Variants in MRPL22 observed in about 807,000 individuals in gnomAD.
MRPL22 encodes mitochondrial ribosomal protein L22.
A neutral mutation model predicts 32.4 loss-of-function variants in MRPL22; 27 were observed. The ratio of observed to expected loss-of-function variants is 0.83; its 90% CI spans 0.61 to 1.15. The LOEUF (loss-of-function observed/expected upper bound fraction) is 1.15. Ranked by LOEUF, MRPL22 falls within the 50% of genes most tolerant of loss-of-function variation. The pLI is 0.00. For synonymous variants in MRPL22, 86 were observed against 87.3 expected, an observed-to-expected ratio of 0.99 and a Z score of 0.08; for missense variants, 239 against 260.2, an observed-to-expected ratio of 0.92 and a Z score of 0.56.
intron 2 of MRPL22, among the ~76,000 whole-genome samples, chr5:154,942,393 A>G (rs1020537929): frequency 3.3e-5 from 5 of 152,182 alleles, no homozygotes; most frequent in Non-Finnish European, 7.3e-5. Flanking sequence ...ATTATATTTA[A>G]CCCTTTTCTA....
chr5:154,953,034 T>C (rs1377832689), intron 3 of MRPL22, among the ~76,000 whole-genome samples: 73 of 152,210 alleles, frequency 4.8e-4, no homozygotes, highest in Admixed American at 4.6e-3. Flanking sequence ...TAGATTCTTA[T>C]GTAGATTTTA....
intron 2 of MRPL22, among the ~76,000 whole-genome samples, chr5:154,943,788 C>T (rs1188076553): frequency 6.6e-6 from 1 of 151,874 alleles, no homozygotes; most frequent in Non-Finnish European, 1.5e-5. Context: ...AACTCAGCCT[C>T]CCAAGCAGCT....
At chr5:154,958,075 C>T (rs375719156) in intron 5 of MRPL22, among the ~76,000 whole-genome samples, 6 of 151,982 alleles carry the variant, frequency 3.9e-5, no homozygotes, top group African/African-American at 1.4e-4. Flanking sequence ...CGCCACCATA[C>T]GCGGCTAATA....
At chr5:154,956,185 C>A (rs1764626862) in intron 3 of MRPL22, 186 bp from the exon 4 acceptor site, 2 of 562,916 alleles carry the variant, frequency 3.6e-6, no homozygotes, top group South Asian at 2.3e-5. Flanking sequence ...CATAGTGAGA[C>A]TTTGGAAAAA....
At chr5:154,956,641 T>A (rs920706563) in intron 4 of MRPL22, 4 of 521,372 alleles carry the variant, frequency 7.7e-6, no homozygotes, top group Non-Finnish European at 1.0e-5. Flanking sequence ...TAAATCACAT[T>A]GGATAGATAG....
chr5:154,956,648 A>C, intron 4 of MRPL22: 1 of 496,788 alleles, frequency 2.0e-6, no homozygotes, highest in Non-Finnish European at 3.5e-6. Context: ...CATTGGATAG[A>C]TAGATACTAA....
rs1158793401 is a variant in MRPL22, at chr5:154,969,135, ATG to A, written c.*2242_*2243del. 4 of 152,138 alleles carry A rather than the reference ATG, an allele frequency of 2.6e-5. No individual in the cohort carries two copies. Among genetic ancestry groups the A allele is most frequent in the Non-Finnish European group, 5.9e-5 (4 of 68,030 alleles). 9.4% of individuals were successfully genotyped at this position (152,138 alleles called of 1,614,324 possible). On this transcript the variant is annotated 3_prime_UTR_variant, in exon 7 of 7. Transcript: ENST00000523037. ...AATCTTATCTCAAATTGTAATCCCCATGTGTCCAGGGAGGGACCTGTAATCCC... is the reference window on the plus strand; with the variant it reads ...AATCTTATCTCAAATTGTAATCCCCATGTCCAGGGAGGGACCTGTAATCCC...
At chr5:154,941,309 T>TA in intron 2 of MRPL22, 44 bp downstream of exon 2, 1 of 1,606,350 alleles carries the variant, frequency 6.2e-7, no homozygotes, top group Non-Finnish European at 8.5e-7. Context: ...CAAGGCATCT[T>TA]TAGTATTCTG....
intron 2 of MRPL22, among the ~76,000 whole-genome samples, chr5:154,946,893 A>G (rs556725655): frequency 1.3e-5 from 2 of 152,276 alleles, no homozygotes; most frequent in African/African-American, 2.4e-5. Context: ...CCTGGCCTCA[A>G]ACAGTCCTCC....
rs751324253 is a variant in MRPL22 at position 154,960,000 on chromosome 5, T to G, written c.360T>G (p.Asp120Glu). Residue 120 changes from aspartate (D) to glutamate (E), a missense_variant, in exon 6 of 7, where the codon GAT (aspartate) becomes GAG (glutamate). By Grantham distance (45) the Asp-to-Glu change is conservative (BLOSUM62 2). Transcript: ENST00000523037. Reference protein sequence around the residue: ...IIKEVLLEAQDMAVRDHNVEF... With the variant: ...IIKEVLLEAQEMAVRDHNVEF... Reference sequence around the variant, plus strand: ...TTAAGGTTCTCTTAGAAGCACAAGATATGGCAGTGAGAGACCATAACGTGG... The same window carrying G: ...TTAAGGTTCTCTTAGAAGCACAAGAGATGGCAGTGAGAGACCATAACGTGG... The G allele has an allele frequency of 6.2e-7, 1 of 1,612,464 alleles. No homozygotes were observed. The highest frequency in any genetic ancestry group is 1.1e-5 in the South Asian group (1 of 90,912).
At chr5:154,962,872 A>G (rs1013990693) in intron 6 of MRPL22, among the ~76,000 whole-genome samples, 2 of 152,126 alleles carry the variant, frequency 1.3e-5, no homozygotes, top group African/African-American at 2.4e-5. Context: ...TAATGTTACA[A>G]TTTCAAGATT....
intron 2 of MRPL22, among the ~76,000 whole-genome samples, chr5:154,947,045 C>T (rs1764501350): frequency 6.6e-6 from 1 of 152,074 alleles, no homozygotes; most frequent in African/African-American, 2.4e-5. Flanking sequence ...AATCCATCAA[C>T]AGTATTAAGT....
At chr5:154,959,624 T>A (rs1296320605) in intron 5 of MRPL22, among the ~76,000 whole-genome samples, 2 of 152,204 alleles carry the variant, frequency 1.3e-5, no homozygotes, top group Non-Finnish European at 2.9e-5. Context: ...ACTGGGACCA[T>A]GGACATGTGA....
chr5:154,943,273 G>A (rs1374365958), intron 2 of MRPL22, among the ~76,000 whole-genome samples: 1 of 151,888 alleles, frequency 6.6e-6, no homozygotes, highest in African/African-American at 2.4e-5. Context: ...AACTACAGGT[G>A]CATGCCATCA....
Position 154,967,668 on chromosome 5 carries a change from A to C in MRPL22, c.*771A>C, listed in dbSNP as rs1258312972. The C allele has an allele frequency of 6.6e-6, 1 of 152,190 alleles. No individual in the cohort carries two copies. The highest frequency in any genetic ancestry group is 1.5e-5 in the Non-Finnish European group (1 of 68,040). The allele number at this position is 152,190 out of a possible 1,614,324, so 9.4% of individuals were successfully genotyped here. Reference sequence around the variant, plus strand: ...GGCACTCAACCTTTTATTAGCAGAAAATTGTTAGTTTCAAATTAGAGTGTT... The same window carrying C: ...GGCACTCAACCTTTTATTAGCAGAACATTGTTAGTTTCAAATTAGAGTGTT... On this transcript the variant is annotated 3_prime_UTR_variant, in exon 7 of 7. Coordinates refer to ENST00000523037, the MANE Select transcript of MRPL22 (RefSeq NM_014180.4). The surrounding 1 kb of genome is among the most constrained non-coding windows in gnomAD (Gnocchi z 4.7).
rs1057263689 is a variant in MRPL22, at chr5:154,941,099, G to A, written c.-12G>A. On this transcript the variant is annotated 5_prime_UTR_variant, in exon 1 of 7. Transcript: ENST00000523037. ...CTTGAACTCGGCGGCTTCCGTAGCGGGAGGGCGAAAGATGGCGGCGGCAGT... is the reference window on the plus strand; with the variant it reads ...CTTGAACTCGGCGGCTTCCGTAGCGAGAGGGCGAAAGATGGCGGCGGCAGT... 3 of 1,613,702 alleles carry A rather than the reference G, an allele frequency of 1.9e-6. No homozygotes were observed. Among genetic ancestry groups the A allele is most frequent in the Non-Finnish European group, 2.5e-6 (3 of 1,180,026 alleles).
intron 3 of MRPL22, among the ~76,000 whole-genome samples, chr5:154,954,510 C>T (rs1253303454): frequency 6.6e-6 from 1 of 152,154 alleles, no homozygotes; most frequent in African/African-American, 2.4e-5. Flanking sequence ...TGACCTCCAC[C>T]TTTGTTACTT....
At chr5:154,947,668 G>T (rs1398025339) in intron 2 of MRPL22, among the ~76,000 whole-genome samples, 1 of 152,110 alleles carries the variant, frequency 6.6e-6, no homozygotes, top group African/African-American at 2.4e-5. Flanking sequence ...CATTGTTCTT[G>T]GTGCTAGAAT....
chr5:154,948,606 A>G lies in MRPL22; in HGVS notation c.78-2215A>G, dbSNP rs1005145283. ...TTGGGCAGGAAAGACTACTTTGTGG[A>G]TGGTGGGTGGTGTGTTCTTCCATAA... On this transcript the variant is annotated intron_variant, in intron 2 of 6. Coordinates refer to ENST00000523037, the MANE Select transcript of MRPL22 (RefSeq NM_014180.4). 3.3e-5 allele frequency among the ~76,000 whole-genome samples: 5 copies of G among 152,268 alleles called. 1 individual carries two copies. In the South Asian group the frequency reaches 1.0e-3, roughly 32 times the overall value.
Sources: allele counts gnomAD v4.1 joint callset (sites outside exome capture counted in the v4.1 genomes callset), GRCh38; gene constraint gnomAD v4.1.1; non-coding constraint Gnocchi (gnomAD v3.1); transcripts MANE v1.5; gene names NCBI Gene and HGNC (gene_info 2026-07-23, HGNC 2026-07-21).